NTMT1: variants seen among roughly 807,000 people sequenced by gnomAD.
The protein encoded by NTMT1 is N-terminal Xaa-Pro-Lys N-methyltransferase 1.
In NTMT1, 8 loss-of-function variants were observed where a neutral mutation model predicts 17.5. The observed-to-expected ratio is 0.46, with a 90% CI of 0.27 to 0.82. NTMT1 has a LOEUF of 0.82. Ranked by LOEUF, NTMT1 falls within the 40% of genes least tolerant of loss-of-function variation. The probability of loss-of-function intolerance (pLI) is 0.15; values close to 1 mark genes in which losing one functional copy is unlikely to be tolerated. For synonymous variants in NTMT1, 128 were observed against 126.8 expected, an observed-to-expected ratio of 1.01 and a Z score of -0.06; for missense variants, 221 against 303.5, an observed-to-expected ratio of 0.73 and a Z score of 2.02.
chr9:129,622,702 G>A (rs561125091), upstream of NTMT1, among the ~76,000 whole-genome samples: 90 of 151,668 alleles, frequency 5.9e-4, no homozygotes, highest in Middle Eastern at 6.8e-3. Flanking sequence ...ACTCTAATCC[G>A]TTACACAGAT....
In NTMT1 at chr9:129,613,173, C is replaced by A. The variant is rs779358343; in HGVS notation, c.-55+3995C>A. On this transcript the variant is annotated intron_variant, in intron 1 of 3. Transcript: ENST00000372486. The surrounding 1 kb of genome is among the most constrained non-coding windows in gnomAD (Gnocchi z 6.2). ...TGCTTCGCGGCCTCTGAGCAGCGGC[C>A]TTCTTCCATGAACAGAAGGGCAGGC... The A allele has an allele frequency of 1.8e-5, 29 of 1,613,650 alleles. No individual in the cohort carries two copies. The Middle Eastern group carries it at 2.5e-3, about 137-fold the overall frequency.
At position 129,635,494 on chromosome 9, in the gene NTMT1, C is replaced by G. The variant is rs1391223609; in HGVS notation, c.*30C>G. ...GGGCTGGCAGGAGAAACTGAGGAAC[C>G]ACAGTCCTGGTGGGGGGAGCTGGCA... On this transcript the variant is annotated 3_prime_UTR_variant, in exon 4 of 4. Coordinates refer to ENST00000372483, the MANE Select transcript of NTMT1 (RefSeq NM_014064.4). 1.3e-5 allele frequency: 21 copies of G among 1,593,548 alleles called. No homozygotes were observed. Among genetic ancestry groups the G allele is most frequent in the Non-Finnish European group, 2.6e-6 (3 of 1,167,672 alleles).
At chr9:129,618,439 T>C (rs1052276846) in intron 1 of NTMT1, among the ~76,000 whole-genome samples, 1 of 152,026 alleles carries the variant, frequency 6.6e-6, no homozygotes, top group Admixed American at 6.6e-5. Context: ...GATGGGTGGA[T>C]GGACTGATGG....
rs957158780 is a variant in NTMT1, at chr9:129,620,309, C to T, written c.-55+11131C>T. On this transcript the variant is annotated intron_variant, in intron 1 of 3. Transcript: ENST00000372486. The surrounding 1 kb of genome is among the most constrained non-coding windows in gnomAD (Gnocchi z 5.8). Reference sequence around the variant, plus strand: ...CAGCAGCCCCCGCTTCCGCACGGCCCGCCGGGTCGCGGTGAGCAAGGCGGG... The same window carrying T: ...CAGCAGCCCCCGCTTCCGCACGGCCTGCCGGGTCGCGGTGAGCAAGGCGGG... 5.6e-6 allele frequency: 7 copies of T among 1,244,006 alleles called. No individual in the cohort carries two copies. Among genetic ancestry groups the T allele is most frequent in the Admixed American group, 8.5e-5 (2 of 23,516 alleles). The allele number at this position is 1,244,006 out of a possible 1,614,324, so 77.1% of individuals were successfully genotyped here.
At position 129,614,850 on chromosome 9, in the gene NTMT1, C is replaced by T. The variant is rs1246649252; in HGVS notation, c.-55+5672C>T. Among the ~76,000 whole-genome samples the T allele has an allele frequency of 2.0e-5, 3 of 151,854 alleles. No homozygotes were observed. Among genetic ancestry groups the T allele is most frequent in the Non-Finnish European group, 2.9e-5 (2 of 67,986 alleles). ...CCGGGAGGTGGAGCTTGCAGCGAGC[C>T]GAGATCGCGCCACTGCACTCCAGCC... On this transcript the variant is annotated intron_variant, in intron 1 of 3. Coordinates refer to the NTMT1 transcript ENST00000372486. The surrounding 1 kb of genome is among the most constrained non-coding windows in gnomAD (Gnocchi z 4.4).
intron 1 of NTMT1, among the ~76,000 whole-genome samples, chr9:129,630,012 G>C (rs1370550694): frequency 6.6e-6 from 1 of 152,220 alleles, no homozygotes; most frequent in African/African-American, 2.4e-5. Context: ...AGGGTGAGAA[G>C]ACCCAATCAC....
At chr9:129,624,600 G>A (rs373114812), upstream of NTMT1, among the ~76,000 whole-genome samples, 56 of 152,250 alleles carry the variant, frequency 3.7e-4, 1 homozygote, top group South Asian at 0.01. Context: ...TGTGTGCGTC[G>A]CCCAGAGGAA....
intron 1 of NTMT1, among the ~76,000 whole-genome samples, chr9:129,632,190 C>G (rs904608268): frequency 1.3e-5 from 2 of 152,126 alleles, no homozygotes; most frequent in Non-Finnish European, 2.9e-5. Flanking sequence ...GGCTCACACC[C>G]GTAATCCCAG....
intron 1 of NTMT1, chr9:129,612,215 C>G (rs1830128461): frequency 1.4e-6 from 1 of 703,414 alleles, no homozygotes; most frequent in South Asian, 1.7e-5. Context: ...AACCAGGTAC[C>G]CAGAAAGGCT....
chr9:129,611,898 G>A (rs1024984038), intron 1 of NTMT1, among the ~76,000 whole-genome samples: 23 of 151,984 alleles, frequency 1.5e-4, no homozygotes, highest in Admixed American at 1.4e-3. Context: ...GGCTAGAGGC[G>A]TGGAGCACCA....
upstream of NTMT1, among the ~76,000 whole-genome samples, chr9:129,623,600 C>T (rs563753616): frequency 1.1e-4 from 17 of 152,208 alleles, no homozygotes; most frequent in African/African-American, 3.6e-4. Flanking sequence ...GAAGAAACGA[C>T]TTTGTAATTC....
rs1366323700 is a variant in NTMT1 at position 129,627,172 on chromosome 9, G to A, written c.-55+877G>A. On this transcript the variant is annotated intron_variant, in intron 1 of 3. Transcript: ENST00000372483. ...CTGAGGACTGTGCGGGGGTTGGAAGGATGCATGGAGCGTTTTGGTGGAGGC... is the reference window on the plus strand; with the variant it reads ...CTGAGGACTGTGCGGGGGTTGGAAGAATGCATGGAGCGTTTTGGTGGAGGC... Among the ~76,000 whole-genome samples, 5 of 152,178 alleles carry A rather than the reference G, an allele frequency of 3.3e-5. No homozygotes were observed. The East Asian group carries it at 7.7e-4, about 23-fold the overall frequency.
At chr9:129,626,330 C>G (rs1440586530) in intron 1 of NTMT1, 35 bp downstream of exon 1, 1 of 152,246 alleles carries the variant, frequency 6.6e-6, no homozygotes, top group Non-Finnish European at 1.5e-5. Context: ...GGGTAGGCAG[C>G]CGCTGGGAGA....
intron 2 of NTMT1, 107 bp from the exon 3 acceptor site, chr9:129,633,947 C>G: frequency 7.7e-7 from 1 of 1,300,216 alleles, no homozygotes; most frequent in South Asian, 1.5e-5. Context: ...TCAGCTTGTG[C>G]GGAGTCCTGG....
chr9:129,610,174 C>G (rs868530017), intron 1 of NTMT1, among the ~76,000 whole-genome samples: 176 of 134,134 alleles, frequency 1.3e-3, no homozygotes, highest in South Asian at 3.6e-3. Flanking sequence ...CCTTGCGGGC[C>G]GAGCCACAGG....
chr9:129,627,010 G>A (rs1285208727), intron 1 of NTMT1, among the ~76,000 whole-genome samples: 1 of 152,230 alleles, frequency 6.6e-6, no homozygotes, highest in African/African-American at 2.4e-5. Flanking sequence ...TGCCCAGTGA[G>A]ATGGGATGAG....
chr9:129,628,356 C>A (rs1830993808), intron 1 of NTMT1, among the ~76,000 whole-genome samples: 1 of 152,174 alleles, frequency 6.6e-6, no homozygotes, highest in Non-Finnish European at 1.5e-5. Context: ...GGATGTGCCT[C>A]CCCTGGCTTG....
At chr9:129,610,303 C>CCG (rs1208103908) in intron 1 of NTMT1, among the ~76,000 whole-genome samples, 1 of 148,288 alleles carries the variant, frequency 6.7e-6, no homozygotes, top group Non-Finnish European at 1.5e-5. Context: ...AGGCCCCGCC[C>CCG]CCCCCCCACC....
At chr9:129,611,844 C>G (rs1257057355) in intron 1 of NTMT1, among the ~76,000 whole-genome samples, 3 of 152,082 alleles carry the variant, frequency 2.0e-5, no homozygotes, top group African/African-American at 7.3e-5. Context: ...CCTCAACCAC[C>G]TGGGCTCAAG....
Sources: gnomAD v4.1 joint callset for allele counts (sites outside exome capture counted in the v4.1 genomes callset) on GRCh38, gnomAD v4.1.1 for gene constraint, Gnocchi (gnomAD v3.1) non-coding constraint, MANE v1.5 for transcripts, NCBI Gene and HGNC (gene_info 2026-07-23, HGNC 2026-07-21) for gene names.